The following MIEF1 variants were observed in gnomAD, a reference collection of about 807,000 sequenced individuals.
MIEF1 encodes the protein mitochondrial dynamics protein MIEF1.
In MIEF1, 14 loss-of-function variants were observed where a neutral mutation model predicts 35.1. That is an observed-to-expected ratio of 0.40 (90% CI 0.26 to 0.62). The LOEUF (loss-of-function observed/expected upper bound fraction) is 0.62. Among genes scored for constraint, MIEF1 ranks in the 20% least tolerant of loss-of-function variants. The probability of loss-of-function intolerance (pLI) is 0.43; values close to 1 mark genes in which losing one functional copy is unlikely to be tolerated. For synonymous variants in MIEF1, 245 were observed against 254.3 expected (o/e 0.96, Z 0.35); for missense variants, 542 against 615.4 (o/e 0.88, Z 1.26).
Position 39,507,591 on chromosome 22 carries a change from T to A in MIEF1, c.-8+3057T>A, listed in dbSNP as rs1930109809. ...CCAACTTAATAGTTTTGATCTCAGC[T>A]GTTGGCTCACGCCTGTAATCCCAGC... On this transcript the variant is annotated intron_variant, in intron 2 of 5. Coordinates refer to ENST00000325301, the MANE Select transcript of MIEF1 (RefSeq NM_019008.6). Among the ~76,000 whole-genome samples, 3 of 150,710 alleles carry A rather than the reference T, an allele frequency of 2.0e-5. No individual in the cohort carries two copies. The South Asian group carries it at 6.4e-4, about 32-fold the overall frequency.
rs1930580647 is a variant in MIEF1, at chr22:39,514,962, AT to A, written c.*640del. 1 of 406,286 alleles carries A rather than the reference AT, an allele frequency of 2.5e-6. No homozygotes were observed. Among genetic ancestry groups the A allele is most frequent in the South Asian group, 3.7e-5 (1 of 27,262 alleles). 25.2% of individuals were successfully genotyped at this position (406,286 alleles called of 1,614,324 possible). On this transcript the variant is annotated 3_prime_UTR_variant, in exon 6 of 6. Coordinates refer to ENST00000325301, the MANE Select transcript of MIEF1 (RefSeq NM_019008.6). The stretch of plus-strand genomic sequence containing the variant: ...CCTGACCCATTCATAAATGCTGAGA[AT>A]GTCTCTCATGGGAACACTGTTAATG...
intron 2 of MIEF1, among the ~76,000 whole-genome samples, chr22:39,507,816 G>A (rs1395626773): frequency 6.6e-6 from 1 of 151,950 alleles, no homozygotes; most frequent in Non-Finnish European, 1.5e-5. Flanking sequence ...AGTGAGCCGG[G>A]ATTGCCCCAC....
At position 39,515,203 on chromosome 22, in the gene MIEF1, C is replaced by T. The variant is rs1569021551; in HGVS notation, c.*880C>T. ...TTCATCATGAATGCTGGTTTTCACA[C>T]CTTTTCCTTATTTTATTGCCAATCA... On this transcript the variant is annotated 3_prime_UTR_variant, in exon 6 of 6. Transcript: ENST00000325301. 1.4e-6 allele frequency: 1 copy of T among 697,370 alleles called. No individual in the cohort carries two copies. Among genetic ancestry groups the T allele is most frequent in the Admixed American group, 2.1e-5 (1 of 47,908 alleles). The allele number at this position is 697,370 out of a possible 1,614,324, so 43.2% of individuals were successfully genotyped here. A position where few individuals can be genotyped will look rare whatever the true frequency, so the allele number is the denominator to read the frequency against.
rs1402689387 is a variant in MIEF1 at position 39,514,590 on chromosome 22, G to C, written c.*267G>C. The C allele has an allele frequency of 7.8e-6, 4 of 511,524 alleles. No homozygotes were observed. Among genetic ancestry groups the C allele is most frequent in the African/African-American group, 5.8e-5 (3 of 52,160 alleles). 31.7% of individuals were successfully genotyped at this position (511,524 alleles called of 1,614,324 possible). On this transcript the variant is annotated 3_prime_UTR_variant, in exon 6 of 6. Coordinates refer to ENST00000325301, the MANE Select transcript of MIEF1 (RefSeq NM_019008.6). ...TTCTGGAATGAATTGAGAAGGTGGCGTGCTGGCCTGAGCTGATGGACCACT... is the reference window on the plus strand; with the variant it reads ...TTCTGGAATGAATTGAGAAGGTGGCCTGCTGGCCTGAGCTGATGGACCACT...
intron 2 of MIEF1, 108 bp from the exon 3 acceptor site, chr22:39,511,180 G>A (rs1930310395): frequency 2.8e-6 from 4 of 1,429,138 alleles, no homozygotes; most frequent in Non-Finnish European, 9.6e-7. Context: ...GAAGATTTGG[G>A]TTGCTGGAAC....
intron 2 of MIEF1, chr22:39,509,389 C>G (rs1259829810): frequency 6.6e-6 from 1 of 152,260 alleles, no homozygotes; most frequent in Non-Finnish European, 1.5e-5. Flanking sequence ...GTATTCCGAT[C>G]TGAATCACAC....
At chr22:39,504,103 G>A (rs1421432413) in intron 1 of MIEF1, 100 bp from the exon 2 acceptor site, 1 of 396,984 alleles carries the variant, frequency 2.5e-6, no homozygotes, top group Non-Finnish European at 4.4e-6. Flanking sequence ...GGAGCGGGGG[G>A]TCTCTGGAAC....
intron 5 of MIEF1, 49 bp downstream of exon 5, chr22:39,512,543 T>C (rs749794606): frequency 1.4e-5 from 22 of 1,566,906 alleles, no homozygotes; most frequent in Non-Finnish European, 1.8e-5. Flanking sequence ...CTGAGCACCA[T>C]AGTGTTGTTG....
chr22:39,512,244 C>T lies in MIEF1; in HGVS notation c.335C>T (p.Pro112Leu), dbSNP rs12158456. The T allele has an allele frequency of 1.0e-4, 163 of 1,612,762 alleles. 1 individual carries two copies. In the East Asian group the frequency reaches 2.7e-3, roughly 26 times the overall value. ...CTTGCCTTGGCAGATACATTCTGCCCGCCCCGGCCCAAGCCAGTGGCCAGG... is the reference window on the plus strand; with the variant it reads ...CTTGCCTTGGCAGATACATTCTGCCTGCCCCGGCCCAAGCCAGTGGCCAGG... ...SSTFDTDTFC[P>L]PRPKPVARKG... Residue 112 changes from proline (P) to leucine (L), a missense_variant, in exon 5 of 6, where the codon CCG (proline) becomes CTG (leucine). Coordinates refer to ENST00000325301, the MANE Select transcript of MIEF1 (RefSeq NM_019008.6).
intron 2 of MIEF1, among the ~76,000 whole-genome samples, chr22:39,506,019 CA>C (rs996020529): frequency 6.6e-6 from 1 of 152,070 alleles, no homozygotes; most frequent in African/African-American, 2.4e-5. Context: ...AGTACAGGGC[CA>C]GGGGTGGGGT....
In MIEF1 at chr22:39,511,363, G is replaced by T; in HGVS notation, c.69G>T (p.Val23=). 1 of 1,613,150 alleles carries T rather than the reference G, an allele frequency of 6.2e-7. No homozygotes were observed. The highest frequency in any genetic ancestry group is 1.7e-5 in the Admixed American group (1 of 59,854). The part of the protein sequence containing the change: ...DNGIGTAIDF[V]LSNARLVLGV... ...GCATTGGCACGGCCATTGACTTTGT[G>T]CTCTCCAATGCCCGGCTGGTGCTGG... The change falls in exon 3 of 6, where the codon GTG becomes GTT. Residue 23 remains valine, a synonymous_variant. Coordinates refer to ENST00000325301, the MANE Select transcript of MIEF1 (RefSeq NM_019008.6).
At chr22:39,504,171 C>T (rs1929894977) in intron 1 of MIEF1, 32 bp from the exon 2 acceptor site, 1 of 398,704 alleles carries the variant, frequency 2.5e-6, no homozygotes, top group African/African-American at 2.1e-5. Context: ...AATTCTGATA[C>T]TAGGCTTGTA....
intron 2 of MIEF1, among the ~76,000 whole-genome samples, chr22:39,505,024 C>T (rs1376560543): frequency 6.6e-6 from 1 of 152,114 alleles, no homozygotes; most frequent in East Asian, 1.9e-4. Flanking sequence ...GAAACCCTGT[C>T]TCTACCAAAA....
chr22:39,511,290 G>A lies in MIEF1; in HGVS notation c.-5G>A, dbSNP rs759416651. The A allele has an allele frequency of 1.9e-6, 3 of 1,613,534 alleles. No homozygotes were observed. The highest frequency in any genetic ancestry group is 1.6e-4 in the Middle Eastern group (1 of 6,078). On this transcript the variant is annotated splice_region_variant and 5_prime_UTR_variant, in exon 3 of 6. It removes an upstream start codon present in the reference 5' UTR. Coordinates refer to ENST00000325301, the MANE Select transcript of MIEF1 (RefSeq NM_019008.6). ...CCGTGTTCTGTCTTCATTCTCAGAT[G>A]AGCAATGGCAGGCGCTGGTGAGCGC...
chr22:39,506,568 CAA>C (rs777475127), intron 2 of MIEF1, among the ~76,000 whole-genome samples: 6 of 152,168 alleles, frequency 3.9e-5, no homozygotes, highest in Non-Finnish European at 7.4e-5. Flanking sequence ...AATACACACT[CAA>C]TATCTGCTAC....
chr22:39,505,547 C>T (rs1352338351), intron 2 of MIEF1, among the ~76,000 whole-genome samples: 2 of 152,128 alleles, frequency 1.3e-5, no homozygotes, highest in African/African-American at 4.8e-5. Flanking sequence ...GCATGGTACC[C>T]CTGTAAGGCA....
chr22:39,504,103 G>T (rs1421432413), intron 1 of MIEF1, 100 bp from the exon 2 acceptor site: 1 of 397,102 alleles, frequency 2.5e-6, no homozygotes. Context: ...GGAGCGGGGG[G>T]TCTCTGGAAC....
chr22:39,516,822 A>G lies in MIEF1; in HGVS notation c.*2499A>G, dbSNP rs984654103. The G allele has an allele frequency of 2.6e-5, 4 of 152,256 alleles. No individual in the cohort carries two copies. Among genetic ancestry groups the G allele is most frequent in the African/African-American group, 9.6e-5 (4 of 41,472 alleles). The allele number at this position is 152,256 out of a possible 1,614,324, so 9.4% of individuals were successfully genotyped here. A position where few individuals can be genotyped will look rare whatever the true frequency, so the allele number is the denominator to read the frequency against. On this transcript the variant is annotated 3_prime_UTR_variant, in exon 6 of 6. Transcript: ENST00000325301. Reference sequence around the variant, plus strand: ...CAAATGAGTTTATCATCCTTCTTAAAGAGCATCTCTTTTAACTGTTGGACA... The same window carrying G: ...CAAATGAGTTTATCATCCTTCTTAAGGAGCATCTCTTTTAACTGTTGGACA...
chr22:39,502,901 C>G (rs1929820123), intron 1 of MIEF1: 1 of 152,200 alleles, frequency 6.6e-6, no homozygotes, highest in Non-Finnish European at 1.5e-5. Context: ...CTCAAGCTTG[C>G]GCAGGAAGTT....
Sources: gnomAD v4.1 joint callset for allele counts (sites outside exome capture counted in the v4.1 genomes callset) on GRCh38, gnomAD v4.1.1 for gene constraint, MANE v1.5 for transcripts, NCBI Gene and HGNC (gene_info 2026-07-23, HGNC 2026-07-21) for gene names.